The following SFXN5 variants were observed in gnomAD, a reference collection of about 807,000 sequenced individuals.
SFXN5 encodes sideroflexin-5.
SFXN5 carries 43 observed loss-of-function variants against 50.2 expected under a neutral mutation model. The ratio of observed to expected loss-of-function variants is 0.86; its 90% confidence interval spans 0.67 to 1.11. The LOEUF is 1.11. Among genes scored for constraint, SFXN5 ranks in the 50% least tolerant of loss-of-function variants. SFXN5 has a pLI of 0.00. For synonymous variants in SFXN5, 203 were observed against 185.8 expected, an observed-to-expected ratio of 1.09 and a Z score of -0.75; for missense variants, 463 against 454.1, an observed-to-expected ratio of 1.02 and a Z score of -0.18.
At chr2:73,060,420 C>T (rs1346393696) in intron 1 of SFXN5, among the ~76,000 whole-genome samples, 3 of 152,050 alleles carry the variant, frequency 2.0e-5, no homozygotes, top group African/African-American at 7.2e-5. Flanking sequence ...GACAGACATT[C>T]CATAAATTAA....
chr2:72,975,814 A>C (rs1391524194), intron 10 of SFXN5, among the ~76,000 whole-genome samples: 3 of 152,252 alleles, frequency 2.0e-5, no homozygotes, highest in Admixed American at 6.5e-5. Context: ...GTTATTGTAC[A>C]TGCAGAAGAT....
At chr2:73,025,423 G>A in intron 3 of SFXN5, among the ~76,000 whole-genome samples, 1 of 152,162 alleles carries the variant, frequency 6.6e-6, no homozygotes, top group East Asian at 1.9e-4. Flanking sequence ...CACAGTAGGT[G>A]CTCAATACGT....
chr2:73,017,022 C>T (rs7599245), intron 6 of SFXN5, among the ~76,000 whole-genome samples: 9,673 of 152,152 alleles, frequency 0.064, 974 homozygotes, highest in African/African-American at 0.22. Context: ...ATTTCTCTAG[C>T]CTAGGAAAGG....
intron 3 of SFXN5, among the ~76,000 whole-genome samples, chr2:73,029,654 T>A (rs1461191829): frequency 1.3e-5 from 2 of 152,124 alleles, no homozygotes; most frequent in African/African-American, 4.8e-5. Context: ...GTGTCTGAGG[T>A]TGGCCAGAAT....
chr2:72,959,202 C>T (rs1673436194), intron 13 of SFXN5, among the ~76,000 whole-genome samples: 1 of 152,186 alleles, frequency 6.6e-6, no homozygotes, highest in East Asian at 1.9e-4. Flanking sequence ...GAGCTCAATG[C>T]AGACACCTCC....
chr2:72,975,346 C>G (rs149418096), intron 10 of SFXN5, among the ~76,000 whole-genome samples: 126 of 152,200 alleles, frequency 8.3e-4, no homozygotes, highest in East Asian at 6.6e-3. Flanking sequence ...GGAGCCTGCC[C>G]CTGAACTAGG....
intron 10 of SFXN5, among the ~76,000 whole-genome samples, chr2:72,987,952 G>C (rs912993146): frequency 6.6e-6 from 1 of 152,254 alleles, no homozygotes; most frequent in Non-Finnish European, 1.5e-5. Flanking sequence ...TTAAAATGCA[G>C]TTAGAGGTTA....
rs1205641487 is a variant in SFXN5, at chr2:72,992,927, G to A, written c.535-4579C>T. ...GTATGAGGAGGTGCCGTGAGGGAGT[G>A]GGCCCAAGGGTCATGAAGGCTCCTG... On this transcript the variant is annotated intron_variant, in intron 9 of 13. Coordinates refer to ENST00000272433, the MANE Select transcript of SFXN5 (RefSeq NM_144579.3). The surrounding 1 kb of genome is among the most constrained non-coding windows in gnomAD (Gnocchi z 4.5). Among the ~76,000 whole-genome samples, 1 of 152,226 alleles carries A rather than the reference G, an allele frequency of 6.6e-6. No individual in the cohort carries two copies.
rs1025182990 is a variant in SFXN5, at chr2:73,034,981, T to C, written c.249+5873A>G. Among the ~76,000 whole-genome samples, 8 of 152,252 alleles carry C rather than the reference T, an allele frequency of 5.3e-5. No homozygotes were observed. In the South Asian group the frequency reaches 1.2e-3, roughly 24 times the overall value. ...CACTTACAGAAGATGTCTCTCCCATTAGATCTAAGAGGCCCAGTGTCAGAT... is the reference window on the plus strand; with the variant it reads ...CACTTACAGAAGATGTCTCTCCCATCAGATCTAAGAGGCCCAGTGTCAGAT... On this transcript the variant is annotated intron_variant, in intron 3 of 13. Coordinates refer to ENST00000272433, the MANE Select transcript of SFXN5 (RefSeq NM_144579.3).
intron 9 of SFXN5, among the ~76,000 whole-genome samples, chr2:72,993,484 A>C (rs1020103015): frequency 1.3e-5 from 2 of 152,190 alleles, no homozygotes; most frequent in Non-Finnish European, 2.9e-5. Context: ...TGACCCCTGA[A>C]CCATGCCCCA....
intron 3 of SFXN5, among the ~76,000 whole-genome samples, chr2:73,034,562 T>G (rs1678721194): frequency 6.6e-6 from 1 of 152,078 alleles, no homozygotes; most frequent in African/African-American, 2.4e-5. Flanking sequence ...ATCCATACAT[T>G]CATTACCCTG....
At chr2:72,955,752 C>G (rs975074790) in intron 13 of SFXN5, among the ~76,000 whole-genome samples, 2 of 152,198 alleles carry the variant, frequency 1.3e-5, no homozygotes, top group African/African-American at 4.8e-5. Context: ...CCTCAGGGAA[C>G]CTGAGGCCCC....
At chr2:73,054,703 C>T (rs1681864370) in intron 2 of SFXN5, among the ~76,000 whole-genome samples, 1 of 152,190 alleles carries the variant, frequency 6.6e-6, no homozygotes, top group African/African-American at 2.4e-5. Context: ...TTGAAGTCCA[C>T]CATTAGCACC....
At chr2:72,948,899 G>T (rs1479005407) in intron 13 of SFXN5, among the ~76,000 whole-genome samples, 1 of 152,198 alleles carries the variant, frequency 6.6e-6, no homozygotes, top group Admixed American at 6.5e-5. Flanking sequence ...CACAGAGGGG[G>T]ACAAGACCAA....
chr2:73,063,176 A>C (rs745801344), intron 1 of SFXN5, among the ~76,000 whole-genome samples: 11 of 152,206 alleles, frequency 7.2e-5, no homozygotes, highest in Non-Finnish European at 1.6e-4. Flanking sequence ...TGAGATATTT[A>C]AAGGGACTTC....
At position 72,971,368 on chromosome 2, in the gene SFXN5, T is replaced by G. The variant is rs1216170479; in HGVS notation, c.741+202A>C. 4.5e-4 allele frequency among the ~76,000 whole-genome samples: 66 copies of G among 147,638 alleles called. No homozygotes were observed. The Admixed American group carries it at 4.5e-3, about 10-fold the overall frequency. Reference sequence around the variant, plus strand: ...AAGAGACAGGAACTTTTCACAGCAGTGAGACCATGTCCAGGGGAACATGCG... The same window carrying G: ...AAGAGACAGGAACTTTTCACAGCAGGGAGACCATGTCCAGGGGAACATGCG... On this transcript the variant is annotated intron_variant, in intron 11 of 13. Coordinates refer to ENST00000272433, the MANE Select transcript of SFXN5 (RefSeq NM_144579.3).
At chr2:73,050,392 G>A (rs57401070) in intron 2 of SFXN5, among the ~76,000 whole-genome samples, 39,428 of 146,326 alleles carry the variant, frequency 0.27, 7,410 homozygotes, top group African/African-American at 0.53. Context: ...CACAGCGCAC[G>A]CACACACACA....
intron 11 of SFXN5, 48 bp downstream of exon 11, chr2:72,971,522 C>T: frequency 7.2e-7 from 1 of 1,394,556 alleles, no homozygotes; most frequent in Non-Finnish European, 1.0e-6. Flanking sequence ...AAAACCACTC[C>T]CCTCCCCTGT....
intron 13 of SFXN5, among the ~76,000 whole-genome samples, chr2:72,956,315 C>A (rs149218827): frequency 1.3e-5 from 2 of 152,354 alleles, no homozygotes; most frequent in African/African-American, 4.8e-5. Context: ...CCTTTAGCCT[C>A]CCTCCAGCCC....
Sources: allele counts gnomAD v4.1 joint callset (sites outside exome capture counted in the v4.1 genomes callset), GRCh38; gene constraint gnomAD v4.1.1; non-coding constraint Gnocchi (gnomAD v3.1); transcripts MANE v1.5; gene names NCBI Gene and HGNC (gene_info 2026-07-23, HGNC 2026-07-21).